Variants in PSMG4 observed in about 807,000 individuals in gnomAD.
PSMG4 encodes the protein proteasome (prosome, macropain) assembly chaperone 4.
PSMG4 carries 10 observed loss-of-function variants against 11.0 expected under a neutral mutation model. The observed-to-expected ratio is 0.91, with a 90% CI of 0.56 to 1.54. The LOEUF is 1.54. Ranked by LOEUF, PSMG4 falls within the 40% of genes most tolerant of loss-of-function variation. PSMG4 has a pLI of 0.00. For synonymous variants in PSMG4, 95 were observed against 71.3 expected, an observed-to-expected ratio of 1.33 and a Z score of -1.68; for missense variants, 198 against 160.9, an observed-to-expected ratio of 1.23 and a Z score of -1.25.
At chr6:3,254,793 G>A (rs950981862), upstream of PSMG4, among the ~76,000 whole-genome samples, 1 of 151,908 alleles carries the variant, frequency 6.6e-6, no homozygotes, top group African/African-American at 2.4e-5. Flanking sequence ...TGAATGCTTG[G>A]GGTCAGAGCA....
rs374935109 is a variant in PSMG4, at chr6:3,263,702, A to G, written c.193A>G (p.Thr65Ala). Residue 65 changes from threonine (T) to alanine (A), a missense_variant, in exon 2 of 3, where the codon ACC (threonine) becomes GCC (alanine). Physicochemically the swap from Thr to Ala is moderately conservative, Grantham distance 58. Coordinates refer to ENST00000438998, the MANE Select transcript of PSMG4 (RefSeq NM_001128591.2). ...CSRYDSIPVS[T>A]SLLGDTSDTT... ...CTTTTAGGACTCCATCCCCGTGTCT[A>G]CCTCCCTCCTTGGAGACACTTCCGA... 2.8e-4 allele frequency: 437 copies of G among 1,548,948 alleles called. 2 individuals are homozygous for G. The African/African-American group carries it at 5.3e-3, about 19-fold the overall frequency.
chr6:3,262,378 A>G (rs1370464904), intron 1 of PSMG4, among the ~76,000 whole-genome samples: 5 of 152,264 alleles, frequency 3.3e-5, no homozygotes, highest in African/African-American at 1.2e-4. Context: ...AACTGTACAT[A>G]CTATTACCAT....
At chr6:3,264,786 A>G (rs930630115) in intron 2 of PSMG4, 2 of 155,202 alleles carry the variant, frequency 1.3e-5, no homozygotes, top group Admixed American at 6.4e-5. Context: ...TTTTGCCCCA[A>G]TTTCCCACTT....
chr6:3,263,707 C>T lies in PSMG4; in HGVS notation c.198C>T (p.Ser66=). ...AGGACTCCATCCCCGTGTCTACCTCCCTCCTTGGAGACACTTCCGACACGA... is the reference window on the plus strand; with the variant it reads ...AGGACTCCATCCCCGTGTCTACCTCTCTCCTTGGAGACACTTCCGACACGA... ...SRYDSIPVST[S]LLGDTSDTTS... The change falls in exon 2 of 3, where the codon TCC becomes TCT. Residue 66 remains serine, a synonymous_variant. Coordinates refer to ENST00000438998, the MANE Select transcript of PSMG4 (RefSeq NM_001128591.2). 6.4e-7 allele frequency: 1 copy of T among 1,550,696 alleles called. No homozygotes were observed. Among genetic ancestry groups the T allele is most frequent in the Non-Finnish European group, 8.7e-7 (1 of 1,146,510 alleles).
At position 3,264,189 on chromosome 6, in the gene PSMG4, C is replaced by A. The variant is rs777695878; in HGVS notation, c.250+430C>A. 50 of 1,551,216 alleles carry A rather than the reference C, an allele frequency of 3.2e-5. No individual in the cohort carries two copies. The South Asian group carries it at 5.8e-4, about 18-fold the overall frequency. On this transcript the variant is annotated intron_variant, in intron 2 of 2. Transcript: ENST00000438998. ...CTCTGTGCAGGAAGGACTGTCCTCA[C>A]TCAGTGTGATACCGTTCAGGGCTCG...
chr6:3,254,646 C>G (rs546245093), upstream of PSMG4, among the ~76,000 whole-genome samples: 15 of 152,198 alleles, frequency 9.9e-5, 1 homozygote, highest in South Asian at 2.7e-3. Context: ...TTGTGAAGGC[C>G]TACAGCTTTG....
chr6:3,267,778 T>A lies in PSMG4; in HGVS notation c.*66T>A, dbSNP rs1394730174. On this transcript the variant is annotated 3_prime_UTR_variant, in exon 3 of 3. Transcript: ENST00000438998. ...GTACGTGTAAATAAATGGATTGAAT[T>A]TCAGTTTGTCATCAGGCCGCGCTCC... is the stretch of plus-strand genomic sequence containing the variant. The A allele has an allele frequency of 6.7e-7, 1 of 1,489,422 alleles. No individual in the cohort carries two copies. Among genetic ancestry groups the A allele is most frequent in the African/African-American group, 1.4e-5 (1 of 71,322 alleles). The allele number at this position is 1,489,422 out of a possible 1,614,324, so 92.3% of individuals were successfully genotyped here.
At chr6:3,254,492 G>GT (rs1183857436), upstream of PSMG4, among the ~76,000 whole-genome samples, 15 of 152,038 alleles carry the variant, frequency 9.9e-5, no homozygotes, top group Non-Finnish European at 1.3e-4. Context: ...GTTGCTGGTG[G>GT]TTTTTTGTGT....
upstream of PSMG4, chr6:3,254,982 A>G (rs1581539671): frequency 6.7e-7 from 1 of 1,490,152 alleles, no homozygotes; most frequent in Non-Finnish European, 9.0e-7. Flanking sequence ...GTGGCTGTGG[A>G]TCCCATGGAC....
At chr6:3,254,882 C>T (rs991063175), upstream of PSMG4, among the ~76,000 whole-genome samples, 7 of 151,820 alleles carry the variant, frequency 4.6e-5, no homozygotes, top group South Asian at 2.1e-4. Flanking sequence ...TGGAGGGTGA[C>T]TCCGACCTTG....
At chr6:3,263,817 A>T in intron 2 of PSMG4, 58 bp downstream of exon 2, 1 of 1,525,108 alleles carries the variant, frequency 6.6e-7, no homozygotes, top group Non-Finnish European at 8.8e-7. Context: ...TCTTTAATGG[A>T]ACCATGAAGC....
chr6:3,255,640 C>T (rs957950075), upstream of PSMG4, among the ~76,000 whole-genome samples: 14 of 152,148 alleles, frequency 9.2e-5, no homozygotes, highest in Non-Finnish European at 1.8e-4. Context: ...AGCTTGCGCC[C>T]ACAGACAAAC....
upstream of PSMG4, chr6:3,255,105 CA>C: frequency 6.4e-7 from 1 of 1,551,026 alleles, no homozygotes; most frequent in Non-Finnish European, 8.7e-7. Flanking sequence ...TGCATAGGAG[CA>C]CAACATCACC....
upstream of PSMG4, among the ~76,000 whole-genome samples, chr6:3,254,667 C>T (rs748271600): frequency 5.0e-4 from 76 of 152,222 alleles, no homozygotes; most frequent in Non-Finnish European, 7.5e-4. Flanking sequence ...TTCCTTCAAG[C>T]TGCGAAACCA....
intron 1 of PSMG4, among the ~76,000 whole-genome samples, chr6:3,260,289 ATATTTT>A (rs1412721305): frequency 2.3e-4 from 7 of 31,082 alleles, no homozygotes; most frequent in African/African-American, 7.0e-4. Context: ...ATATATATAT[ATATTTT>A]TTTTTTTTTT....
At chr6:3,255,192 T>A (rs925437411), upstream of PSMG4, 11 of 1,550,432 alleles carry the variant, frequency 7.1e-6, no homozygotes, top group South Asian at 1.2e-5. Context: ...CTGGTGGAAG[T>A]AGGATGTTTG....
At chr6:3,255,268 CTG>C (rs777192928), upstream of PSMG4, 24 of 1,545,010 alleles carry the variant, frequency 1.6e-5, no homozygotes, top group Middle Eastern at 2.2e-4. Context: ...GTTACCACGG[CTG>C]TCTTACGGGT....
intron 1 of PSMG4, 57 bp from the exon 2 acceptor site, chr6:3,263,627 T>C (rs1396015713): frequency 1.4e-6 from 2 of 1,396,396 alleles, no homozygotes; most frequent in African/African-American, 1.4e-5. Context: ...AAGCCAGAAG[T>C]GTGGCTGGCC....
At chr6:3,257,456 A>G (rs1311588468), upstream of PSMG4, among the ~76,000 whole-genome samples, 2 of 152,202 alleles carry the variant, frequency 1.3e-5, no homozygotes, top group Admixed American at 6.5e-5. Context: ...CCGGTCGGTA[A>G]CTTTGTTTCC....
Sources: allele counts gnomAD v4.1 joint callset (sites outside exome capture counted in the v4.1 genomes callset), GRCh38; gene constraint gnomAD v4.1.1; transcripts MANE v1.5; gene names NCBI Gene and HGNC (gene_info 2026-07-23, HGNC 2026-07-21).